SCAF8: variants seen among roughly 807,000 people sequenced by gnomAD.
SCAF8 encodes the protein SR-related and CTD-associated factor 8.
A neutral mutation model predicts 140.5 loss-of-function variants in SCAF8; 23 were observed. The ratio of observed to expected loss-of-function variants is 0.16; its 90% CI spans 0.12 to 0.23. The LOEUF is 0.23. SCAF8 is among the 10% of genes least tolerant of loss of function. The pLI, the probability that SCAF8 is intolerant of heterozygous loss-of-function variation, is 1.00. For missense variants in SCAF8, 1,397 were observed against 1,555.7 expected (o/e 0.90, Z 1.72); for synonymous variants, 575 against 528.9 (o/e 1.09, Z -1.20).
At position 154,810,107 on chromosome 6, in the gene SCAF8, G is replaced by C; in HGVS notation, c.1319G>C (p.Arg440Thr). The change falls in exon 12 of 20, where the codon AGG (arginine) becomes ACG (threonine). Residue 440 changes from arginine to threonine, a missense_variant. Coordinates refer to ENST00000367178, the MANE Select transcript of SCAF8 (RefSeq NM_014892.5). The stretch of plus-strand genomic sequence containing the variant: ...CGCTCCCGCTCAAGAGAAAGAAAGA[G>C]GAAATCATCACGGTCGTATTCAAGT... The part of the protein sequence containing the change: ...RSRSRSRERK[R>T]KSSRSYSSER... The C allele has an allele frequency of 6.2e-7, 1 of 1,613,862 alleles. No homozygotes were observed. Among genetic ancestry groups the C allele is most frequent in the Non-Finnish European group, 8.5e-7 (1 of 1,179,890 alleles).
intron 1 of SCAF8, among the ~76,000 whole-genome samples, chr6:154,746,043 G>A (rs1778691543): frequency 6.6e-6 from 1 of 152,038 alleles, no homozygotes. Context: ...ACAACACCAT[G>A]CCTGGATAAT....
intron 13 of SCAF8, 87 bp from the exon 14 acceptor site, chr6:154,818,392 A>G (rs1310722265): frequency 2.3e-5 from 13 of 557,220 alleles, no homozygotes; most frequent in Non-Finnish European, 4.0e-5. Flanking sequence ...ATTAGTAAGT[A>G]GTCAATGTTT....
rs776257155 is a variant in SCAF8, at chr6:154,831,989, C to T, written c.2410C>T (p.Pro804Ser). Reference protein sequence around the residue: ...SNAAILGGQPPNVTSNSGILG... With the variant: ...SNAAILGGQPSNVTSNSGILG... The stretch of plus-strand genomic sequence containing the variant: ...TGCTGCAATTTTAGGAGGACAGCCG[C>T]CAAATGTGACAAGCAATTCTGGAAT... The change falls in exon 20 of 20, where the codon CCA (proline) becomes TCA (serine). Residue 804 changes from proline to serine, a missense_variant. By Grantham distance (74) the Pro-to-Ser change is moderately conservative (BLOSUM62 -1). Around this residue, in one of 5 missense-constraint regions of SCAF8, gnomAD observed 930 missense variants for 874.6 expected, o/e 1.06. Coordinates refer to ENST00000367178, the MANE Select transcript of SCAF8 (RefSeq NM_014892.5). The T allele has an allele frequency of 1.7e-5, 27 of 1,612,840 alleles. No individual in the cohort carries two copies. The highest frequency in any genetic ancestry group is 2.2e-5 in the Non-Finnish European group (26 of 1,179,588).
chr6:154,778,944 G>A (rs962517257), intron 3 of SCAF8, among the ~76,000 whole-genome samples: 10 of 152,110 alleles, frequency 6.6e-5, no homozygotes, highest in East Asian at 1.9e-4. Context: ...TTGGTCTAAC[G>A]CTTTTAAAAG....
intron 1 of SCAF8, among the ~76,000 whole-genome samples, chr6:154,759,107 C>T (rs1779036954): frequency 1.3e-5 from 2 of 152,262 alleles, no homozygotes; most frequent in South Asian, 4.1e-4. Flanking sequence ...TTCCAGTTTG[C>T]CTGCTGTTTT....
chr6:154,791,624 A>T (rs538868372), intron 4 of SCAF8, among the ~76,000 whole-genome samples: 1 of 139,062 alleles, frequency 7.2e-6, no homozygotes, highest in African/African-American at 2.7e-5. Context: ...ATAAATGAGG[A>T]TGCTAAAGTT....
rs1777012580 is a variant in SCAF8 at position 154,779,199 on chromosome 6, A to AT, written c.159+1161dup. ...AGACATGCGCCACCACGCCCAGCTA[A>AT]TTTTTTTGTATTTTTAGTAGAGATG... On this transcript the variant is annotated intron_variant, in intron 3 of 19. Coordinates refer to ENST00000367178, the MANE Select transcript of SCAF8 (RefSeq NM_014892.5). 4.0e-5 allele frequency among the ~76,000 whole-genome samples: 6 copies of AT among 151,878 alleles called. No homozygotes were observed. The South Asian group carries it at 1.0e-3, about 26-fold the overall frequency.
intron 9 of SCAF8, among the ~76,000 whole-genome samples, chr6:154,807,706 A>G (rs1777962807): frequency 6.6e-6 from 1 of 152,180 alleles, no homozygotes; most frequent in Non-Finnish European, 1.5e-5. Context: ...ATTTTTTATT[A>G]ATGCCAATTA....
intron 1 of SCAF8, among the ~76,000 whole-genome samples, chr6:154,766,659 ACCCCC>A (rs1165228098): frequency 1.4e-5 from 1 of 70,716 alleles, no homozygotes; most frequent in Non-Finnish European, 2.7e-5. Flanking sequence ...CTCCAGCAGC[ACCCCC>A]CCCCCTTTTT....
chr6:154,784,716 C>A (rs936212088), intron 3 of SCAF8, among the ~76,000 whole-genome samples: 2 of 152,074 alleles, frequency 1.3e-5, no homozygotes, highest in Admixed American at 1.3e-4. Flanking sequence ...GCAAATACTG[C>A]CCATTTTATA....
At chr6:154,755,979 G>C (rs1046838700) in intron 1 of SCAF8, among the ~76,000 whole-genome samples, 1 of 152,174 alleles carries the variant, frequency 6.6e-6, no homozygotes, top group African/African-American at 2.4e-5. Flanking sequence ...AATCATAGCT[G>C]TAACTGGAAT....
intron 14 of SCAF8, among the ~76,000 whole-genome samples, chr6:154,819,023 C>T (rs1330085284): frequency 1.3e-5 from 2 of 151,810 alleles, no homozygotes; most frequent in Non-Finnish European, 2.9e-5. Flanking sequence ...TAAACCAGGC[C>T]CTTGTGAAGA....
At chr6:154,808,598 C>A in intron 10 of SCAF8, 88 bp from the exon 11 acceptor site, 2 of 844,216 alleles carry the variant, frequency 2.4e-6, no homozygotes, top group Non-Finnish European at 2.0e-6. Flanking sequence ...ATGCTCCCAT[C>A]GTCAATATTT....
chr6:154,785,498 G>T (rs1460830029), intron 3 of SCAF8, among the ~76,000 whole-genome samples: 3 of 152,088 alleles, frequency 2.0e-5, no homozygotes, highest in Non-Finnish European at 4.4e-5. Flanking sequence ...TCAGCACTTG[G>T]TATTGTTAGA....
At chr6:154,759,015 C>G (rs779367516) in intron 1 of SCAF8, among the ~76,000 whole-genome samples, 1 of 152,130 alleles carries the variant, frequency 6.6e-6, no homozygotes, top group African/African-American at 2.4e-5. Flanking sequence ...CTAAACACTA[C>G]GAAATTACCT....
rs75688840 is a variant in SCAF8, at chr6:154,827,129, A to G, written c.2072-43A>G. ...TTGGAATCTTTGATTTAAAATAAGT[A>G]ATTTTTCTTGTGCTATTTTTTGGGG... On this transcript the variant is annotated intron_variant, in intron 17 of 19. Transcript: ENST00000367178. 770 of 1,486,176 alleles carry G rather than the reference A, an allele frequency of 5.2e-4. 2 individuals are homozygous for G. The highest frequency in any genetic ancestry group is 6.7e-4 in the Non-Finnish European group (722 of 1,081,804). The allele number at this position is 1,486,176 out of a possible 1,614,324, so 92.1% of individuals were successfully genotyped here. A position where few individuals can be genotyped will look rare whatever the true frequency, so the allele number is the denominator to read the frequency against.
chr6:154,822,081 A>G, intron 15 of SCAF8, 195 bp from the exon 16 acceptor site: 1 of 425,082 alleles, frequency 2.4e-6, no homozygotes, highest in East Asian at 3.4e-5. Flanking sequence ...CTCATGTTTC[A>G]TGGTTTTTTG....
intron 3 of SCAF8, among the ~76,000 whole-genome samples, chr6:154,780,405 CAT>C (rs59470548): frequency 0.16 from 23,421 of 146,606 alleles, 2,138 homozygotes; most frequent in East Asian, 0.43. Context: ...GTGCAAAACA[CAT>C]AGGTTTGTTA....
Position 154,808,147 on chromosome 6 carries a change from G to A in SCAF8, c.1059G>A (p.Gln353=), listed in dbSNP as rs555553728. ...SASPSQGSSQ[Q]HFLEPEVNLD... ...CACCATCACAAGGGAGTAGTCAGCA[G>A]CATTTTCTTGAACCTGAAGTCAATT... Residue 353 remains glutamine, a synonymous_variant, in exon 10 of 20, where the codon CAG becomes CAA. Coordinates refer to ENST00000367178, the MANE Select transcript of SCAF8 (RefSeq NM_014892.5). The A allele has an allele frequency of 8.9e-5, 143 of 1,613,916 alleles. 2 individuals are homozygous for A. The South Asian group carries it at 1.6e-3, about 18-fold the overall frequency.
Sources: allele counts gnomAD v4.1 joint callset (sites outside exome capture counted in the v4.1 genomes callset), GRCh38; gene constraint gnomAD v4.1.1; regional missense constraint gnomAD v4.1.1; transcripts MANE v1.5; gene names NCBI Gene and HGNC (gene_info 2026-07-23, HGNC 2026-07-21).